The following TENM3 variants were observed in gnomAD, a reference collection of about 807,000 sequenced individuals.
The protein encoded by TENM3 is teneurin transmembrane protein 3, also known as teneurin-3.
A neutral mutation model predicts 255.1 loss-of-function variants in TENM3; 63 were observed. The ratio of observed to expected loss-of-function variants is 0.25; its 90% CI spans 0.20 to 0.30. The LOEUF is 0.30. Among genes scored for constraint, TENM3 ranks in the 10% least tolerant of loss-of-function variants. The pLI, the probability that TENM3 is intolerant of heterozygous loss-of-function variation, is 1.00. For synonymous variants in TENM3, 1,306 were observed against 1,322.3 expected (o/e 0.99, Z 0.27); for missense variants, 2,929 against 3,461.1 (o/e 0.85, Z 3.86).
the TENM3 span, among the ~76,000 whole-genome samples, chr4:181,988,511 T>A: frequency 2.6e-5 from 4 of 152,222 alleles, no homozygotes; most frequent in African/African-American, 9.6e-5. Context: ...TTGTCACCAC[T>A]CTTCTTGTGG....
At chr4:182,330,015 C>T (rs530966006) in intron 2 of TENM3, among the ~76,000 whole-genome samples, 336 of 151,892 alleles carry the variant, frequency 2.2e-3, no homozygotes, top group Admixed American at 3.4e-3. Flanking sequence ...TAATGAATTT[C>T]TCATCTGCAA....
Position 182,681,850 on chromosome 4 carries a change from T to G in TENM3, c.1871T>G (p.Val624Gly), listed in dbSNP as rs1203478899. The change falls in exon 11 of 28, where the codon GTG (valine) becomes GGG (glycine). Residue 624 changes from valine to glycine, a missense_variant. Transcript: ENST00000511685. The part of the protein sequence containing the change: ...CIDPGCSNHG[V>G]CIHGECHCSP... ...GACCCTGGGTGTTCTAATCATGGTGTGTGTATCCACGGGGAATGTCACTGC... is the reference window on the plus strand; with the variant it reads ...GACCCTGGGTGTTCTAATCATGGTGGGTGTATCCACGGGGAATGTCACTGC... 6.2e-7 allele frequency: 1 copy of G among 1,613,776 alleles called. No individual in the cohort carries two copies. Among genetic ancestry groups the G allele is most frequent in the African/African-American group, 1.3e-5 (1 of 74,924 alleles).
chr4:182,686,345 G>GAA (rs1756571765), intron 11 of TENM3, among the ~76,000 whole-genome samples: 1 of 152,016 alleles, frequency 6.6e-6, no homozygotes, highest in Non-Finnish European at 1.5e-5. Context: ...CTGGTCTTGT[G>GAA]TACCTCAAAT....
At chr4:182,473,951 C>T (rs1733416221) in intron 3 of TENM3, among the ~76,000 whole-genome samples, 3 of 152,120 alleles carry the variant, frequency 2.0e-5, no homozygotes, top group Non-Finnish European at 4.4e-5. Context: ...AAGTGAGACC[C>T]TGTCTCCAAA....
the TENM3 span, among the ~76,000 whole-genome samples, chr4:181,870,892 A>G: frequency 1.3e-5 from 2 of 152,000 alleles, no homozygotes; most frequent in Non-Finnish European, 2.9e-5. Flanking sequence ...AGGTTTGAAA[A>G]TCTTTATAGT....
intron 1 of TENM3, among the ~76,000 whole-genome samples, chr4:182,287,948 G>GT (rs1483251216): frequency 6.9e-6 from 1 of 145,430 alleles, no homozygotes; most frequent in Non-Finnish European, 1.5e-5. Flanking sequence ...TGTTTTTTGT[G>GT]TTTTTTGAGA....
intron 3 of TENM3, among the ~76,000 whole-genome samples, chr4:182,367,486 G>A (rs1396855831): frequency 6.6e-6 from 1 of 152,158 alleles, no homozygotes; most frequent in African/African-American, 2.4e-5. Context: ...GATGAGTCAA[G>A]ATCCACTACG....
chr4:181,786,367 G>A, the TENM3 span, among the ~76,000 whole-genome samples: 2 of 152,116 alleles, frequency 1.3e-5, no homozygotes, highest in Non-Finnish European at 2.9e-5. Context: ...ACATGTGCAC[G>A]GGAGTCATAC....
At chr4:182,594,133 G>C (rs771144680) in intron 3 of TENM3, among the ~76,000 whole-genome samples, 1 of 152,142 alleles carries the variant, frequency 6.6e-6, no homozygotes, top group Non-Finnish European at 1.5e-5. Context: ...ACTGGCAAGA[G>C]GTTAGTTTGT....
In TENM3 at chr4:182,196,946, C is replaced by T. The variant is rs193111129; in HGVS notation, c.-76+52192C>T. 4.9e-4 allele frequency among the ~76,000 whole-genome samples: 75 copies of T among 152,202 alleles called. 1 individual carries two copies. The highest frequency in any genetic ancestry group is 2.8e-3 in the Admixed American group (43 of 15,288). On this transcript the variant is annotated intron_variant, in intron 1 of 2. Coordinates refer to the TENM3 transcript ENST00000512480. ...GATGCATCATTTCCGGTCATCTTCT[C>T]GGATGCCAAGGAGCTCAGGACCTGA...
the TENM3 span, among the ~76,000 whole-genome samples, chr4:181,812,587 C>A: frequency 6.6e-6 from 1 of 152,178 alleles, no homozygotes; most frequent in Non-Finnish European, 1.5e-5. Flanking sequence ...TTTCTGTGCA[C>A]TCTGAGTGCC....
At chr4:182,703,979 T>C (rs566927275) in intron 12 of TENM3, among the ~76,000 whole-genome samples, 25 of 152,346 alleles carry the variant, frequency 1.6e-4, no homozygotes, top group Non-Finnish European at 3.2e-4. Flanking sequence ...TCATTTTTCC[T>C]AAATCTTAAA....
At chr4:181,804,284 T>C in the TENM3 span, among the ~76,000 whole-genome samples, 1 of 152,004 alleles carries the variant, frequency 6.6e-6, no homozygotes, top group Non-Finnish European at 1.5e-5. Context: ...AAAATTTGTA[T>C]TGTAAAAATA....
chr4:182,062,513 T>G, the TENM3 span, among the ~76,000 whole-genome samples: 3 of 152,366 alleles, frequency 2.0e-5, no homozygotes, highest in South Asian at 6.2e-4. Context: ...ATTACTTTTA[T>G]ATGTAAAGTT....
intron 4 of TENM3, among the ~76,000 whole-genome samples, chr4:182,612,442 T>C (rs1165102878): frequency 6.6e-6 from 1 of 152,184 alleles, no homozygotes; most frequent in Non-Finnish European, 1.5e-5. Flanking sequence ...TTAGAGAACC[T>C]TCCAACAGAA....
intron 3 of TENM3, among the ~76,000 whole-genome samples, chr4:182,399,878 C>G (rs1189755028): frequency 6.6e-6 from 1 of 151,880 alleles, no homozygotes; most frequent in Non-Finnish European, 1.5e-5. Context: ...CTGTTTGTAA[C>G]TATTGTAAAT....
At position 182,679,599 on chromosome 4, in the gene TENM3, GAAAA is replaced by G. The variant is rs61060098; in HGVS notation, c.1327-59_1327-56del. 17 of 1,096,230 alleles carry G rather than the reference GAAAA, an allele frequency of 1.6e-5. No homozygotes were observed. In the South Asian group the frequency reaches 1.8e-4, roughly 12 times the overall value. The allele number at this position is 1,096,230 out of a possible 1,614,324, so 67.9% of individuals were successfully genotyped here. On this transcript the variant is annotated intron_variant, in intron 7 of 27. Coordinates refer to ENST00000511685, the MANE Select transcript of TENM3 (RefSeq NM_001080477.4). ...AGAGCAAAGGAAGACAGATTGAAGA[GAAAA>G]AAAAAAAGAGAGAAGCAGCCACCCT... is the stretch of plus-strand genomic sequence containing the variant.
At chr4:182,401,199 GA>G (rs1769195731) in intron 3 of TENM3, among the ~76,000 whole-genome samples, 1 of 152,122 alleles carries the variant, frequency 6.6e-6, no homozygotes. Context: ...TTTCATGAAT[GA>G]AAAGGTCCTT....
chr4:181,486,672 T>C, the TENM3 span, among the ~76,000 whole-genome samples: 15 of 152,312 alleles, frequency 9.8e-5, 2 homozygotes, highest in African/African-American at 3.6e-4. Context: ...AACACCACAG[T>C]TGATGTTGTG....
Sources: gnomAD v4.1 joint callset for allele counts (sites outside exome capture counted in the v4.1 genomes callset) on GRCh38, gnomAD v4.1.1 for gene constraint, MANE v1.5 for transcripts, NCBI Gene and HGNC (gene_info 2026-07-23, HGNC 2026-07-21) for gene names.